Variants in A1CF observed in about 807,000 individuals in gnomAD.
A1CF encodes APOBEC-1 stimulating protein.
A1CF carries 48 observed loss-of-function variants against 68.9 expected under a neutral mutation model. The observed-to-expected ratio is 0.70, with a 90% CI of 0.55 to 0.89. A1CF has a LOEUF of 0.89. Ranked by LOEUF, A1CF falls within the 40% of genes least tolerant of loss-of-function variation. A1CF has a pLI of 0.00. For missense variants in A1CF, 653 were observed against 718.9 expected (o/e 0.91, Z 1.05); for synonymous variants, 272 against 260.4 (o/e 1.04, Z -0.43).
rs138030289 is a variant in A1CF, at chr10:50,802,340, G to A, written c.*4389C>T. ...AAAACCTGATTGACAATGGTTGCAC[G>A]TCAGGTAGGAATATTTACTGCCTAG... On this transcript the variant is annotated 3_prime_UTR_variant, in exon 13 of 13. Transcript: ENST00000373997. 5.5e-3 allele frequency: 837 copies of A among 152,284 alleles called. 14 individuals are homozygous for A. The highest frequency in any genetic ancestry group is 0.019 in the African/African-American group (783 of 41,560). 9.4% of individuals were successfully genotyped at this position (152,284 alleles called of 1,614,324 possible). A position where few individuals can be genotyped will look rare whatever the true frequency, so the allele number is the denominator to read the frequency against.
intron 1 of A1CF, among the ~76,000 whole-genome samples, chr10:50,874,914 C>G (rs995710557): frequency 6.6e-6 from 1 of 152,120 alleles, no homozygotes; most frequent in Admixed American, 6.6e-5. Flanking sequence ...CTTACCCTCC[C>G]GGAAGGATTC....
chr10:50,845,159 T>C (rs554217143), intron 3 of A1CF, among the ~76,000 whole-genome samples: 7 of 152,324 alleles, frequency 4.6e-5, no homozygotes, highest in African/African-American at 1.4e-4. Flanking sequence ...TAAAATCTAA[T>C]TGAATATTTA....
rs747745354 is a variant in A1CF, at chr10:50,809,936, C to T, written c.1567G>A (p.Gly523Ser). Residue 523 changes from glycine (G) to serine (S), a missense_variant, in exon 12 of 13, where the codon GGC becomes AGC. Transcript: ENST00000373997. ...TLGIPTDGGD[G>S]TMATAAAAAT... ...GCAGCAGCAGCAGTAGCCATGGTGC[C>T]ATCGCCTCCATCAGTGGGGATGCCC... 1 of 1,614,006 alleles carries T rather than the reference C, an allele frequency of 6.2e-7. No individual in the cohort carries two copies. Among genetic ancestry groups the T allele is most frequent in the Non-Finnish European group, 8.5e-7 (1 of 1,179,932 alleles).
rs144825016 is a variant in A1CF at position 50,816,054 on chromosome 10, T to G, written c.1093A>C (p.Lys365Gln). 1.1e-4 allele frequency: 175 copies of G among 1,613,758 alleles called. 1 individual carries two copies. In the East Asian group the frequency reaches 3.5e-3, roughly 32 times the overall value. The change falls in exon 9 of 13, where the codon AAA becomes CAA. Residue 365 changes from lysine (K) to glutamine (Q), a missense_variant. By Grantham distance (53) the Lys-to-Gln change is moderately conservative. Coordinates refer to ENST00000373997, the MANE Select transcript of A1CF (RefSeq NM_014576.4). ...ATGGCTCTGTTGCTGAGATGTCCTT[T>G]GGTGGCTGGGAAATGAAGACTGGGA... ...AIPSLHFPAT[K>Q]GHLSNRAIIR...
In A1CF at chr10:50,809,959, C is replaced by A; in HGVS notation, c.1544G>T (p.Gly515Val). 3 of 1,613,976 alleles carry A rather than the reference C, an allele frequency of 1.9e-6. No homozygotes were observed. The highest frequency in any genetic ancestry group is 2.5e-6 in the Non-Finnish European group (3 of 1,179,926). The change falls in exon 12 of 13, where the codon GGC becomes GTC. Residue 515 changes from glycine (G) to valine (V), a missense_variant. Physicochemically the swap from Gly to Val is moderately radical, Grantham distance 109. Transcript: ENST00000373997. Reference protein sequence around the residue: ...YAAEYTLQTLGIPTDGGDGTM... With the variant: ...YAAEYTLQTLVIPTDGGDGTM... The stretch of plus-strand genomic sequence containing the variant: ...GCCATCGCCTCCATCAGTGGGGATG[C>A]CCAGGGTCTGCAGGGTGTATTCGGC...
At position 50,816,097 on chromosome 10, in the gene A1CF, G is replaced by A. The variant is rs375973883; in HGVS notation, c.1050C>T (p.Pro350=). ...GACTGGGAATTGCTGCATAGGTCTG[G>A]GGGGCATAGAAGACAGGAGCTCCAA... ...TYLGAPVFYA[P]QTYAAIPSLH... The change falls in exon 9 of 13, where the codon CCC becomes CCT. Residue 350 remains proline, a synonymous_variant. Coordinates refer to ENST00000373997, the MANE Select transcript of A1CF (RefSeq NM_014576.4). 1 of 1,613,788 alleles carries A rather than the reference G, an allele frequency of 6.2e-7. No homozygotes were observed. The highest frequency in any genetic ancestry group is 8.5e-7 in the Non-Finnish European group (1 of 1,179,860).
chr10:50,817,902 A>T (rs570839436), intron 8 of A1CF, among the ~76,000 whole-genome samples: 1 of 152,322 alleles, frequency 6.6e-6, no homozygotes, highest in South Asian at 2.1e-4. Flanking sequence ...AGCTTAGTAA[A>T]ATTTCTTTCA....
At chr10:50,814,485 A>G (rs1838274358) in intron 9 of A1CF, among the ~76,000 whole-genome samples, 1 of 152,212 alleles carries the variant, frequency 6.6e-6, no homozygotes, top group East Asian at 1.9e-4. Context: ...AGTATATCAG[A>G]AATAAATTCT....
At chr10:50,812,527 G>A (rs571953881) in intron 10 of A1CF, among the ~76,000 whole-genome samples, 16 of 152,104 alleles carry the variant, frequency 1.1e-4, no homozygotes, top group South Asian at 4.1e-4. Context: ...TGCAGCTCTC[G>A]GAACTATTAT....
At chr10:50,856,076 T>C (rs930330477) in intron 3 of A1CF, among the ~76,000 whole-genome samples, 1 of 152,024 alleles carries the variant, frequency 6.6e-6, no homozygotes, top group African/African-American at 2.4e-5. Flanking sequence ...TTTCTACATA[T>C]TTAGGCTACC....
chr10:50,812,526 C>T (rs16909383), intron 10 of A1CF, among the ~76,000 whole-genome samples: 2,808 of 152,186 alleles, frequency 0.018, 87 homozygotes, highest in African/African-American at 0.063. Context: ...TTGCAGCTCT[C>T]GGAACTATTA....
At chr10:50,809,839 A>C in intron 12 of A1CF, 55 bp downstream of exon 12, 1 of 1,602,288 alleles carries the variant, frequency 6.2e-7, no homozygotes, top group Non-Finnish European at 8.5e-7. Context: ...GTACCAAAAA[A>C]GGGTTTCCCA....
intron 2 of A1CF, among the ~76,000 whole-genome samples, chr10:50,861,933 T>C (rs1298218258): frequency 6.7e-6 from 1 of 149,940 alleles, no homozygotes; most frequent in Non-Finnish European, 1.5e-5. Flanking sequence ...TATATTATGA[T>C]TAGCAATACT....
rs115233081 is a variant in A1CF at position 50,842,140 on chromosome 10, A to G, written c.235-148T>C. On this transcript the variant is annotated intron_variant, in intron 4 of 12. Coordinates refer to ENST00000373997, the MANE Select transcript of A1CF (RefSeq NM_014576.4). ...CAGTACTATTTGGCATTTGCATCCC[A>G]TGTGGAATGGTTTGCATATTTTCAT... The G allele has an allele frequency of 1.9e-3, 1,247 of 654,272 alleles. 14 individuals are homozygous for G. The African/African-American group carries it at 0.019, about 10-fold the overall frequency. 40.5% of individuals were successfully genotyped at this position (654,272 alleles called of 1,614,324 possible).
chr10:50,842,029 G>A lies in A1CF; in HGVS notation c.235-37C>T, dbSNP rs761059628. 27 of 1,552,556 alleles carry A rather than the reference G, an allele frequency of 1.7e-5. No individual in the cohort carries two copies. The Admixed American group carries it at 3.1e-4, about 18-fold the overall frequency. Reference sequence around the variant, plus strand: ...AGAAATAGAACATTTATATTTATACGTTTGTACTTCTGAATGTATGTGTGC... The same window carrying A: ...AGAAATAGAACATTTATATTTATACATTTGTACTTCTGAATGTATGTGTGC... On this transcript the variant is annotated intron_variant, in intron 4 of 12. Transcript: ENST00000373997.
chr10:50,810,599 T>C (rs771377633), intron 11 of A1CF, among the ~76,000 whole-genome samples: 7 of 152,158 alleles, frequency 4.6e-5, no homozygotes, highest in Non-Finnish European at 1.0e-4. Flanking sequence ...CTCAGCCTGC[T>C]GAGTAACTAT....
intron 3 of A1CF, among the ~76,000 whole-genome samples, chr10:50,845,686 G>T (rs961034693): frequency 1.3e-5 from 2 of 152,174 alleles, no homozygotes; most frequent in Non-Finnish European, 2.9e-5. Flanking sequence ...TGGCATGGTG[G>T]CTTATGCCTG....
chr10:50,858,315 G>C (rs1418562957), intron 3 of A1CF, among the ~76,000 whole-genome samples: 2 of 151,898 alleles, frequency 1.3e-5, no homozygotes, highest in Non-Finnish European at 2.9e-5. Flanking sequence ...TCATGTGGGG[G>C]GAAAAGGAAG....
intron 5 of A1CF, among the ~76,000 whole-genome samples, chr10:50,841,525 A>C (rs1224835740): frequency 1.3e-5 from 2 of 152,150 alleles, no homozygotes; most frequent in African/African-American, 4.8e-5. Flanking sequence ...ATTTTTTCAT[A>C]CTATTTTGAG....
Sources: allele counts gnomAD v4.1 joint callset (sites outside exome capture counted in the v4.1 genomes callset), GRCh38; gene constraint gnomAD v4.1.1; transcripts MANE v1.5; gene names NCBI Gene and HGNC (gene_info 2026-07-23, HGNC 2026-07-21).